The following OR2L13 variants were observed in gnomAD, a reference collection of about 807,000 sequenced individuals.
The protein encoded by OR2L13 is olfactory receptor family 2 subfamily L member 13.
A neutral mutation model predicts 15.3 loss-of-function variants in OR2L13; 14 were observed. The observed-to-expected ratio is 0.91, with a 90% CI of 0.60 to 1.43. The LOEUF (loss-of-function observed/expected upper bound fraction) is 1.43, where lower values mean the gene tolerates loss of function less well. OR2L13 is among the 40% of genes most tolerant of loss of function. The pLI is 0.00. For missense variants in OR2L13, 367 were observed against 387.9 expected, an observed-to-expected ratio of 0.95 and a Z score of 0.45; for synonymous variants, 152 against 142.9, an observed-to-expected ratio of 1.06 and a Z score of -0.45.
the OR2L13 span, among the ~76,000 whole-genome samples, chr1:248,075,423 A>G: frequency 1.3e-5 from 2 of 152,222 alleles, no homozygotes. Context: ...TTGAGGAATC[A>G]CCACACTGTC....
the OR2L13 span, among the ~76,000 whole-genome samples, chr1:248,076,473 C>T: frequency 6.6e-6 from 1 of 152,168 alleles, no homozygotes; most frequent in Non-Finnish European, 1.5e-5. Flanking sequence ...TCTTCCTATC[C>T]ATGAGCATGG....
the OR2L13 span, among the ~76,000 whole-genome samples, chr1:247,993,162 G>C: frequency 1.3e-5 from 2 of 151,990 alleles, no homozygotes; most frequent in Non-Finnish European, 2.9e-5. Context: ...TTGGCCACTT[G>C]TATGTCTTCT....
chr1:248,100,764 A>G (rs1272267639), exon 3 of OR2L13: 4 of 167,890 alleles, frequency 2.4e-5, no homozygotes, highest in South Asian at 2.1e-4. Flanking sequence ...CAGTGTCTAT[A>G]GTGTTGGACA....
At chr1:248,038,927 T>C in the OR2L13 span, 5 of 1,614,132 alleles carry the variant, frequency 3.1e-6, no homozygotes, top group Non-Finnish European at 4.2e-6. Context: ...ATGGCCGGGT[T>C]CTCCTTGCTG....
At chr1:247,998,860 T>C in the OR2L13 span, among the ~76,000 whole-genome samples, 1 of 152,126 alleles carries the variant, frequency 6.6e-6, no homozygotes, top group East Asian at 1.9e-4. Context: ...TTCAGTGAAA[T>C]AATAGAAATA....
At chr1:248,001,240 G>A in the OR2L13 span, among the ~76,000 whole-genome samples, 4 of 152,054 alleles carry the variant, frequency 2.6e-5, no homozygotes, top group Non-Finnish European at 5.9e-5. Context: ...AACTCCAACA[G>A]AATCAAGGAA....
At chr1:248,068,947 A>C in the OR2L13 span, among the ~76,000 whole-genome samples, 2 of 152,190 alleles carry the variant, frequency 1.3e-5, no homozygotes, top group Non-Finnish European at 2.9e-5. Flanking sequence ...AGAAATGAAC[A>C]AAGCCTCCAA....
At chr1:248,067,324 A>G in the OR2L13 span, among the ~76,000 whole-genome samples, 5 of 152,234 alleles carry the variant, frequency 3.3e-5, no homozygotes, top group African/African-American at 9.6e-5. Flanking sequence ...GTTATACTGT[A>G]TCTTCACAGG....
At chr1:248,059,074 A>G in the OR2L13 span, among the ~76,000 whole-genome samples, 6 of 151,998 alleles carry the variant, frequency 3.9e-5, no homozygotes, top group Admixed American at 1.3e-4. Flanking sequence ...TCTGATCACA[A>G]CAATTCATTC....
chr1:248,077,411 G>A, the OR2L13 span, among the ~76,000 whole-genome samples: 1 of 152,188 alleles, frequency 6.6e-6, no homozygotes, highest in Non-Finnish European at 1.5e-5. Flanking sequence ...AGTTTCAGAA[G>A]GAATGGTACC....
chr1:248,041,541 G>A, the OR2L13 span: 5 of 152,138 alleles, frequency 3.3e-5, no homozygotes, highest in African/African-American at 1.2e-4. Context: ...CTTCTGCACA[G>A]CAAAAGAAAC....
At chr1:248,021,736 A>G in the OR2L13 span, among the ~76,000 whole-genome samples, 1 of 152,180 alleles carries the variant, frequency 6.6e-6, no homozygotes, top group Non-Finnish European at 1.5e-5. Flanking sequence ...ATTTGCAGCT[A>G]TTTTTGTTAA....
the OR2L13 span, among the ~76,000 whole-genome samples, chr1:248,028,452 A>G: frequency 1.3e-5 from 2 of 152,246 alleles, no homozygotes; most frequent in Non-Finnish European, 2.9e-5. Flanking sequence ...TGGGAAATAG[A>G]ATGGAGCTTC....
At chr1:248,061,253 C>T in the OR2L13 span, 2 of 1,610,610 alleles carry the variant, frequency 1.2e-6, no homozygotes, top group Non-Finnish European at 1.7e-6. Flanking sequence ...TGCATGGACA[C>T]CTGGGTCTAT....
chr1:248,084,884 C>T, the OR2L13 span, among the ~76,000 whole-genome samples: 1 of 152,254 alleles, frequency 6.6e-6, no homozygotes, highest in South Asian at 2.1e-4. Flanking sequence ...TTGTCTGTGA[C>T]TAATAACACT....
chr1:248,000,181 A>G, the OR2L13 span, among the ~76,000 whole-genome samples: 9 of 150,332 alleles, frequency 6.0e-5, no homozygotes, highest in Non-Finnish European at 1.0e-4. Context: ...AATCCTATCA[A>G]TTTTAAGGAG....
At chr1:248,006,247 G>GA in the OR2L13 span, among the ~76,000 whole-genome samples, 1 of 69,482 alleles carries the variant, frequency 1.4e-5, no homozygotes, top group Admixed American at 1.1e-4. Flanking sequence ...CAAGATATGT[G>GA]TGTGTGTGTG....
At chr1:247,960,695 G>A in the OR2L13 span, among the ~76,000 whole-genome samples, 2 of 152,202 alleles carry the variant, frequency 1.3e-5, no homozygotes, top group Non-Finnish European at 2.9e-5. Context: ...TCAGACTGCT[G>A]TGCTAGCAAT....
chr1:247,966,447 A>T, the OR2L13 span: 4 of 1,123,400 alleles, frequency 3.6e-6, no homozygotes, highest in East Asian at 1.0e-4. Flanking sequence ...ATCTTGTTTA[A>T]CTTGTAAAGC....
Sources: allele counts gnomAD v4.1 joint callset (sites outside exome capture counted in the v4.1 genomes callset), GRCh38; gene constraint gnomAD v4.1.1; transcripts MANE v1.5; gene names NCBI Gene and HGNC (gene_info 2026-07-23, HGNC 2026-07-21).